The following MOCOS variants were observed in gnomAD, a reference collection of about 807,000 sequenced individuals.
MOCOS encodes human molybdenum cofactor sulfurase.
MOCOS carries 86 observed loss-of-function variants against 83.6 expected under a neutral mutation model. The observed-to-expected ratio is 1.03, with a 90% CI of 0.86 to 1.23. The LOEUF (loss-of-function observed/expected upper bound fraction) is 1.23, where lower values mean the gene tolerates loss of function less well. MOCOS is among the 50% of genes most tolerant of loss of function. The pLI is 0.00. For missense variants in MOCOS, 1,120 were observed against 1,126.9 expected (o/e 0.99, Z 0.09); for synonymous variants, 445 against 434.7 (o/e 1.02, Z -0.29).
In MOCOS at chr18:36,192,065, C is replaced by T. The variant is rs575801662; in HGVS notation, c.143-3192C>T. The stretch of plus-strand genomic sequence containing the variant: ...CTGAGTTTGAAACAAGACAAAAGTG[C>T]CTGTTCTCACCATTTCTATTCAACA... On this transcript the variant is annotated intron_variant, in intron 1 of 14. Transcript: ENST00000261326. Among the ~76,000 whole-genome samples, 4 of 152,282 alleles carry T rather than the reference C, an allele frequency of 2.6e-5. No homozygotes were observed. The East Asian group carries it at 5.8e-4, about 22-fold the overall frequency.
At chr18:36,232,887 CA>C (rs1456557890) in intron 9 of MOCOS, among the ~76,000 whole-genome samples, 17 of 144,892 alleles carry the variant, frequency 1.2e-4, no homozygotes, top group African/African-American at 4.2e-4. Flanking sequence ...CACACACACA[CA>C]CCATTTTCTT....
rs376763152 is a variant in MOCOS, at chr18:36,225,872, GTTTCA to G, written c.1960+5663_1960+5667del. Among the ~76,000 whole-genome samples the G allele has an allele frequency of 5.2e-4, 75 of 145,556 alleles. No individual in the cohort carries two copies. In the Middle Eastern group the frequency reaches 0.011, roughly 21 times the overall value. Reference sequence around the variant, plus strand: ...CATTTTCTTGCTGCTACTATTTCTAGTTTCATTTCATTGTGGTCAGAAACTTGATA... The same window carrying G: ...CATTTTCTTGCTGCTACTATTTCTAGTTTCATTGTGGTCAGAAACTTGATA... On this transcript the variant is annotated intron_variant, in intron 9 of 14. Coordinates refer to ENST00000261326, the MANE Select transcript of MOCOS (RefSeq NM_017947.4).
intron 9 of MOCOS, among the ~76,000 whole-genome samples, chr18:36,230,415 T>C (rs1470177809): frequency 6.6e-6 from 1 of 152,078 alleles, no homozygotes; most frequent in Non-Finnish European, 1.5e-5. Context: ...AGCAAGCAAC[T>C]CTCCTAGTCT....
intron 13 of MOCOS, 144 bp from the exon 14 acceptor site, chr18:36,266,604 AT>A: frequency 1.4e-6 from 1 of 712,428 alleles, no homozygotes; most frequent in Non-Finnish European, 2.5e-6. Flanking sequence ...AATGCAGATG[AT>A]TCCCCAGCAG....
At chr18:36,228,931 T>C (rs1472226373) in intron 9 of MOCOS, among the ~76,000 whole-genome samples, 1 of 151,982 alleles carries the variant, frequency 6.6e-6, no homozygotes, top group African/African-American at 2.4e-5. Context: ...AGCCCCCTAG[T>C]AGCTGGAATT....
chr18:36,232,889 C>CA (rs781333459), intron 9 of MOCOS, among the ~76,000 whole-genome samples: 1 of 145,588 alleles, frequency 6.9e-6, no homozygotes, highest in Non-Finnish European at 1.5e-5. Context: ...CACACACACA[C>CA]CATTTTCTTT....
At position 36,268,700 on chromosome 18, in the gene MOCOS, A is replaced by ATACAT. The variant is rs3216117; in HGVS notation, c.*17_*18insCATTA. 1,315,630 of 1,603,236 alleles carry ATACAT rather than the reference A, an allele frequency of 0.82. 543,872 individuals are homozygous for ATACAT. Among genetic ancestry groups the ATACAT allele is most frequent in the African/African-American group, 0.91 (67,645 of 74,650 alleles). On this transcript the variant is annotated 3_prime_UTR_variant, in exon 15 of 15. Coordinates refer to ENST00000261326, the MANE Select transcript of MOCOS (RefSeq NM_017947.4). ...TTACCTCCTAAAAAAAATTTTTAGCATAAAGTTTCTCTTTTACAGTGATCT... is the reference window on the plus strand; with the variant it reads ...TTACCTCCTAAAAAAAATTTTTAGCATACATTAAAGTTTCTCTTTTACAGTGATCT...
intron 6 of MOCOS, among the ~76,000 whole-genome samples, chr18:36,208,438 T>C (rs2091442379): frequency 6.6e-6 from 1 of 152,190 alleles, no homozygotes; most frequent in Non-Finnish European, 1.5e-5. Flanking sequence ...GAGTATGGAA[T>C]GTTTTTCCAT....
At position 36,203,159 on chromosome 18, in the gene MOCOS, C is replaced by T; in HGVS notation, c.988C>T (p.His330Tyr). ...ATTCCTTGATGTTATCGCGCTAAAA[C>T]ATGGATTTGACACCCTAGAGCGCCT... ...ISFLDVIALKHGFDTLERLTG... is the reference protein window; with the variant it reads ...ISFLDVIALKYGFDTLERLTG... The change falls in exon 5 of 15, where the codon CAT becomes TAT. Residue 330 changes from histidine (H) to tyrosine (Y), a missense_variant. By Grantham distance (83) the His-to-Tyr change is moderately conservative. Transcript: ENST00000261326. 6.2e-7 allele frequency: 1 copy of T among 1,614,174 alleles called. No homozygotes were observed. The highest frequency in any genetic ancestry group is 1.1e-5 in the South Asian group (1 of 91,084).
intron 8 of MOCOS, 79 bp downstream of exon 8, chr18:36,216,056 GA>G (rs1336409323): frequency 1.1e-4 from 158 of 1,395,736 alleles, no homozygotes; most frequent in Non-Finnish European, 1.4e-4. Flanking sequence ...AGAAAAGCAT[GA>G]AAAAAATCAA....
At chr18:36,265,993 G>A (rs1383325946) in intron 13 of MOCOS, among the ~76,000 whole-genome samples, 3 of 152,174 alleles carry the variant, frequency 2.0e-5, no homozygotes, top group African/African-American at 7.2e-5. Flanking sequence ...AACAATGTGA[G>A]GATAAATCTT....
intron 11 of MOCOS, among the ~76,000 whole-genome samples, chr18:36,251,658 A>G (rs2091622377): frequency 6.6e-6 from 1 of 152,196 alleles, no homozygotes; most frequent in African/African-American, 2.4e-5. Flanking sequence ...TCTATCACCA[A>G]TCAATGGCGT....
intron 8 of MOCOS, among the ~76,000 whole-genome samples, chr18:36,218,832 TTTTATTTTATTTA>T (rs1312194036): frequency 1.3e-4 from 19 of 143,064 alleles, no homozygotes; most frequent in African/African-American, 4.5e-4. Context: ...ACTCACTTTA[TTTTATTTTATTTA>T]TTTATTTATT....
intron 13 of MOCOS, among the ~76,000 whole-genome samples, chr18:36,261,895 G>A (rs1374902542): frequency 6.6e-6 from 1 of 152,070 alleles, no homozygotes; most frequent in East Asian, 1.9e-4. Flanking sequence ...TCAAATAGGT[G>A]GAGAGTGAGA....
intron 7 of MOCOS, among the ~76,000 whole-genome samples, chr18:36,214,298 C>T (rs927213116): frequency 6.7e-6 from 1 of 150,070 alleles, no homozygotes; most frequent in Non-Finnish European, 1.5e-5. Context: ...AAGATATTAT[C>T]TCTATAGCAG....
intron 6 of MOCOS, among the ~76,000 whole-genome samples, chr18:36,206,016 A>G (rs1394705253): frequency 6.6e-6 from 1 of 152,162 alleles, no homozygotes; most frequent in Non-Finnish European, 1.5e-5. Flanking sequence ...CTGGGATTAT[A>G]GGTGTGAGCC....
At chr18:36,251,370 G>A (rs981216367) in intron 11 of MOCOS, 87 bp downstream of exon 11, 35 of 1,530,042 alleles carry the variant, frequency 2.3e-5, no homozygotes, top group South Asian at 4.5e-5. Flanking sequence ...TGCACTTACG[G>A]GTGACTTGCT....
chr18:36,256,211 A>G (rs1233153148), intron 11 of MOCOS, among the ~76,000 whole-genome samples: 2 of 151,898 alleles, frequency 1.3e-5, no homozygotes, highest in African/African-American at 2.4e-5. Context: ...AGTAGTTTTT[A>G]AACATCTACT....
intron 9 of MOCOS, among the ~76,000 whole-genome samples, chr18:36,234,220 A>G (rs1190123430): frequency 6.6e-6 from 1 of 152,144 alleles, no homozygotes; most frequent in African/African-American, 2.4e-5. Context: ...AAGGTGAGAG[A>G]TAAGGATCCA....
Sources: gnomAD v4.1 joint callset for allele counts (sites outside exome capture counted in the v4.1 genomes callset) on GRCh38, gnomAD v4.1.1 for gene constraint, MANE v1.5 for transcripts, NCBI Gene and HGNC (gene_info 2026-07-23, HGNC 2026-07-21) for gene names.